The following NIT1 variants were observed in gnomAD, a reference collection of about 807,000 sequenced individuals.
NIT1 encodes the protein deaminated glutathione amidase.
Under a neutral mutation model 36.8 loss-of-function variants are expected in NIT1, and 30 were observed. That is an observed-to-expected ratio of 0.82 (90% CI 0.61 to 1.11). The LOEUF is 1.11. Ranked by LOEUF, NIT1 falls within the 50% of genes least tolerant of loss-of-function variation. The probability of loss-of-function intolerance (pLI) is 0.00; values close to 1 mark genes in which losing one functional copy is unlikely to be tolerated. For missense variants in NIT1, 438 were observed against 410.6 expected (o/e 1.07, Z -0.58); for synonymous variants, 151 against 155.6 (o/e 0.97, Z 0.22).
intron 6 of NIT1, 79 bp from the exon 7 acceptor site, chr1:161,120,420 T>TTGGTCTGTAATGTCCCTCA: frequency 6.6e-7 from 1 of 1,512,964 alleles, no homozygotes; most frequent in South Asian, 1.2e-5. Context: ...AATGGGTAGA[T>TTGGTCTGTAATGTCCCTCA]TGGTCTGTAA....
chr1:161,124,256 C>G (rs1370250592), downstream of NIT1: 1 of 1,614,196 alleles, frequency 6.2e-7, no homozygotes, highest in Admixed American at 1.7e-5. Flanking sequence ...GCTCCAGTGC[C>G]AATAAGAAGT....
downstream of NIT1, chr1:161,121,978 G>A: frequency 3.6e-6 from 3 of 834,774 alleles, no homozygotes; most frequent in South Asian, 1.8e-5. Context: ...CATGGGTGCA[G>A]GGAGGGGTGG....
downstream of NIT1, chr1:161,123,692 A>G (rs1571221772): frequency 2.9e-6 from 2 of 682,422 alleles, no homozygotes; most frequent in African/African-American, 1.8e-5. Context: ...CCTAGGAGAA[A>G]TGTCACCTCG....
At chr1:161,122,753 C>T (rs1043388277), downstream of NIT1, among the ~76,000 whole-genome samples, 2 of 152,210 alleles carry the variant, frequency 1.3e-5, no homozygotes, top group African/African-American at 4.8e-5. This position sits in a 1 kb window ranked among gnomAD's most constrained non-coding sequence, Gnocchi z 4.2. Context: ...CCATTACTCA[C>T]AGGTAGCAAC....
Position 161,120,950 on chromosome 1 carries a change from TCAGA to T in NIT1, c.*187_*190del. On this transcript the variant is annotated 3_prime_UTR_variant, in exon 7 of 7. Coordinates refer to ENST00000368009, the MANE Select transcript of NIT1 (RefSeq NM_005600.3). ...ACTTTCACCTGAGCTTCACCTGAGG[TCAGA>T]CTGCAGTTTCAGAAAGGTGGAATTT... The T allele has an allele frequency of 7.0e-7, 1 of 1,424,170 alleles. No individual in the cohort carries two copies. The highest frequency in any genetic ancestry group is 2.5e-5 in the East Asian group (1 of 39,560). The allele number at this position is 1,424,170 out of a possible 1,614,324, so 88.2% of individuals were successfully genotyped here.
downstream of NIT1, chr1:161,123,182 C>T: frequency 6.2e-7 from 1 of 1,614,162 alleles, no homozygotes; most frequent in Non-Finnish European, 8.5e-7. Flanking sequence ...CATCTGAGGA[C>T]CCGAAGTGGG....
downstream of NIT1, chr1:161,122,912 T>C: frequency 2.3e-6 from 3 of 1,328,260 alleles, no homozygotes; most frequent in Non-Finnish European, 3.2e-6. This position sits in a 1 kb window ranked among gnomAD's most constrained non-coding sequence, Gnocchi z 4.2. Flanking sequence ...GCCACAATCA[T>C]AAAGAGCAGT....
chr1:161,120,538 G>A lies in NIT1; in HGVS notation c.757G>A (p.Val253Ile). The A allele has an allele frequency of 6.2e-7, 1 of 1,614,198 alleles. No individual in the cohort carries two copies. The highest frequency in any genetic ancestry group is 8.5e-7 in the Non-Finnish European group (1 of 1,180,042). Reference protein sequence around the residue: ...RARAIETQCYVVAAAQCGRHH... With the variant: ...RARAIETQCYIVAAAQCGRHH... ...CCGTGCTATCGAAACCCAGTGCTATGTAGTGGCAGCAGCACAGTGTGGACG... is the reference window on the plus strand; with the variant it reads ...CCGTGCTATCGAAACCCAGTGCTATATAGTGGCAGCAGCACAGTGTGGACG... Residue 253 changes from valine (V) to isoleucine (I), a missense_variant, in exon 7 of 7, where the codon GTA becomes ATA. By Grantham distance (29) the Val-to-Ile change is conservative. Coordinates refer to ENST00000368009, the MANE Select transcript of NIT1 (RefSeq NM_005600.3).
intron 6 of NIT1, 86 bp from the exon 7 acceptor site, chr1:161,120,413 G>A: frequency 3.4e-6 from 5 of 1,491,912 alleles, no homozygotes; most frequent in Non-Finnish European, 4.6e-6. Flanking sequence ...TAGTCACAAT[G>A]GGTAGATTGG....
In NIT1 at chr1:161,119,859, C is replaced by A. The variant is rs760812236; in HGVS notation, c.498C>A (p.Asp166Glu). Residue 166 changes from aspartate to glutamate, a missense_variant, in exon 5 of 7, where the codon GAC becomes GAA. Asp to Glu is a conservative substitution (Grantham distance 45). Transcript: ENST00000368009. ...CTTACAGGAAGACACATCTGTGTGA[C>A]GTAGAGATTCCAGGGCAGGGGCCTA... ...VATYRKTHLCDVEIPGQGPMC... is the reference protein window; with the variant it reads ...VATYRKTHLCEVEIPGQGPMC... 1.2e-6 allele frequency: 2 copies of A among 1,612,264 alleles called. No individual in the cohort carries two copies. The highest frequency in any genetic ancestry group is 1.7e-4 in the Middle Eastern group (1 of 5,772).
chr1:161,124,034 A>G, downstream of NIT1: 1 of 1,581,294 alleles, frequency 6.3e-7, no homozygotes. Context: ...AACTTACTCT[A>G]AGTACTCCCC....
chr1:161,119,967 AG>A lies in NIT1; in HGVS notation c.591+17del. 1 of 1,604,638 alleles carries A rather than the reference AG, an allele frequency of 6.2e-7. No individual in the cohort carries two copies. The highest frequency in any genetic ancestry group is 8.5e-7 in the Non-Finnish European group (1 of 1,175,278). ...CAGCAGGCAAGGTAGGAGTTGTGAAAGGATGAGGGAGGGGAACAGGAATACT... is the reference window on the plus strand; with the variant it reads ...CAGCAGGCAAGGTAGGAGTTGTGAAAGATGAGGGAGGGGAACAGGAATACT... On this transcript the variant is annotated intron_variant, in intron 5 of 6. Transcript: ENST00000368009.
At chr1:161,124,428 C>G, downstream of NIT1, 1 of 1,608,572 alleles carries the variant, frequency 6.2e-7, no homozygotes, top group African/African-American at 1.3e-5. Flanking sequence ...CTCTTCTGGC[C>G]ACACCTGGCT....
chr1:161,122,365 C>G, downstream of NIT1: 1 of 1,614,198 alleles, frequency 6.2e-7, no homozygotes, highest in Non-Finnish European at 8.5e-7. This position sits in a 1 kb window ranked among gnomAD's most constrained non-coding sequence, Gnocchi z 4.2. Flanking sequence ...AACTTGATGT[C>G]ACAGATGATG....
downstream of NIT1, chr1:161,123,768 G>C (rs1301266468): frequency 1.5e-6 from 2 of 1,371,072 alleles, no homozygotes; most frequent in Non-Finnish European, 1.0e-6. Context: ...AGCTGGCAAA[G>C]CCCAGAATGT....
downstream of NIT1, chr1:161,123,961 G>C (rs758269490): frequency 6.2e-7 from 1 of 1,612,330 alleles, no homozygotes; most frequent in Non-Finnish European, 8.5e-7. Context: ...AGGAGGAGAA[G>C]TAATCATTCA....
downstream of NIT1, chr1:161,123,369 G>A: frequency 1.2e-6 from 1 of 802,970 alleles, no homozygotes; most frequent in African/African-American, 1.7e-5. Context: ...ACCAGGTGCA[G>A]TGGCTCACGC....
rs1655107552 is a variant in NIT1, at chr1:161,118,890, T to C, written c.98+9T>C. On this transcript the variant is annotated intron_variant, in intron 2 of 6. Coordinates refer to ENST00000368009, the MANE Select transcript of NIT1 (RefSeq NM_005600.3). ...CTTTGTGCTCAGCCCAGGTAACACG[T>C]TTTGTTGTGTCCTCAGTGCCTGGCA... 4 of 1,600,884 alleles carry C rather than the reference T, an allele frequency of 2.5e-6. No individual in the cohort carries two copies. Among genetic ancestry groups the C allele is most frequent in the Non-Finnish European group, 3.4e-6 (4 of 1,168,226 alleles).
chr1:161,120,841 G>C lies in NIT1; in HGVS notation c.*76G>C. On this transcript the variant is annotated 3_prime_UTR_variant, in exon 7 of 7. Transcript: ENST00000368009. ...CTATGAGCTAGTGCTCATGTGACTT[G>C]GAGGCAGGATCCAGGCACAGCTCCC... 6.6e-7 allele frequency: 1 copy of C among 1,506,856 alleles called. No homozygotes were observed. The highest frequency in any genetic ancestry group is 1.3e-5 in the South Asian group (1 of 79,920). The allele number at this position is 1,506,856 out of a possible 1,614,324, so 93.3% of individuals were successfully genotyped here. A position where few individuals can be genotyped will look rare whatever the true frequency, so the allele number is the denominator to read the frequency against.
Sources: gnomAD v4.1 joint callset for allele counts (sites outside exome capture counted in the v4.1 genomes callset) on GRCh38, gnomAD v4.1.1 for gene constraint, Gnocchi (gnomAD v3.1) non-coding constraint, MANE v1.5 for transcripts, NCBI Gene and HGNC (gene_info 2026-07-23, HGNC 2026-07-21) for gene names.